Variants in TBCD observed in about 807,000 individuals in gnomAD.
TBCD encodes the protein tubulin folding cofactor D.
In TBCD, 105 loss-of-function variants were observed where a neutral mutation model predicts 169.3. The ratio of observed to expected loss-of-function variants is 0.62; its 90% confidence interval spans 0.53 to 0.73. The LOEUF (loss-of-function observed/expected upper bound fraction) is 0.73, where lower values mean the gene tolerates loss of function less well. Ranked by LOEUF, TBCD falls within the 30% of genes least tolerant of loss-of-function variation. The pLI is 0.00. For missense variants in TBCD, 1,444 were observed against 1,600.1 expected (o/e 0.90, Z 1.66); for synonymous variants, 700 against 643.9 (o/e 1.09, Z -1.32).
rs2050930184 is a variant in TBCD at position 82,805,987 on chromosome 17, C to T, written c.1063C>T (p.Pro355Ser). ...TEDDDEDDDV[P>S]EGVERVIEQL... ...AGATGACGACGAAGATGACGACGTC[C>T]CAGAGGGGGTGGAGCGTGTGATAGG... is the stretch of plus-strand genomic sequence containing the variant. Residue 355 changes from proline (P) to serine (S), a missense_variant, in exon 10 of 39, where the codon CCA becomes TCA. Physicochemically the swap from Pro to Ser is moderately conservative, Grantham distance 74 (BLOSUM62 -1). Transcript: ENST00000355528. 3.1e-6 allele frequency: 5 copies of T among 1,613,636 alleles called. No individual in the cohort carries two copies.
rs1347638638 is a variant in TBCD, at chr17:82,752,306, C to A, written c.113C>A (p.Ala38Glu). ...TTCGGCGAGAGCGCGGAGACCCGGGCGCTGCTGGGCCGCCTGCGGGAGGTG... is the reference window on the plus strand; with the variant it reads ...TTCGGCGAGAGCGCGGAGACCCGGGAGCTGCTGGGCCGCCTGCGGGAGGTG... The part of the protein sequence containing the change: ...EAFGESAETR[A>E]LLGRLREVHG... The change falls in exon 1 of 39, where the codon GCG (alanine) becomes GAG (glutamate). Residue 38 changes from alanine to glutamate, a missense_variant. Physicochemically the swap from Ala to Glu is moderately radical, Grantham distance 107. Coordinates refer to ENST00000355528, the MANE Select transcript of TBCD (RefSeq NM_005993.5). The A allele has an allele frequency of 6.7e-7, 1 of 1,492,890 alleles. No individual in the cohort carries two copies. Among genetic ancestry groups the A allele is most frequent in the South Asian group, 1.3e-5 (1 of 79,466 alleles). 92.5% of individuals were successfully genotyped at this position (1,492,890 alleles called of 1,614,324 possible). A position where few individuals can be genotyped will look rare whatever the true frequency, so the allele number is the denominator to read the frequency against.
At chr17:82,846,195 C>T (rs1244224517) in intron 13 of TBCD, among the ~76,000 whole-genome samples, 5 of 152,138 alleles carry the variant, frequency 3.3e-5, no homozygotes, top group South Asian at 4.1e-4. Context: ...CCTCCCTCCA[C>T]GTGCTGCGTC....
At chr17:82,925,167 C>G (rs948932072) in intron 27 of TBCD, 110 bp downstream of exon 27, 1 of 875,454 alleles carries the variant, frequency 1.1e-6, no homozygotes, top group South Asian at 1.8e-5. Context: ...GTGCTTGTAG[C>G]TGGGAGGGGG....
intron 6 of TBCD, among the ~76,000 whole-genome samples, chr17:82,775,243 G>A (rs1314261863): frequency 6.6e-6 from 1 of 152,244 alleles, no homozygotes. Flanking sequence ...TGGTGCCTGG[G>A]GGCGTCGGTG....
At chr17:82,769,103 C>G (rs2144050930) in intron 5 of TBCD, among the ~76,000 whole-genome samples, 1 of 152,282 alleles carries the variant, frequency 6.6e-6, no homozygotes, top group South Asian at 2.1e-4. Context: ...ACACATTTAT[C>G]CTCTTGTAGT....
chr17:82,777,855 AC>A (rs1568117848), intron 6 of TBCD, among the ~76,000 whole-genome samples: 2 of 150,166 alleles, frequency 1.3e-5, no homozygotes, highest in African/African-American at 4.9e-5. Flanking sequence ...GGAAAGGGAG[AC>A]TCTCTTTCCC....
Position 82,921,524 on chromosome 17 carries a change from G to A in TBCD, c.2125G>A (p.Asp709Asn). The A allele has an allele frequency of 6.2e-7, 1 of 1,614,018 alleles. No homozygotes were observed. Among genetic ancestry groups the A allele is most frequent in the Non-Finnish European group, 8.5e-7 (1 of 1,179,888 alleles). ...VIDGWQWLIN[D>N]TLRHLHLISS... ...AGATGGTTGGCAATGGCTGATAAAT[G>A]ACACTTTGAGACATCTCCATCTCAT... Residue 709 changes from aspartate (D) to asparagine (N), a missense_variant, in exon 25 of 39, where the codon GAC (aspartate) becomes AAC (asparagine). By Grantham distance (23) the Asp-to-Asn change is conservative. Coordinates refer to ENST00000355528, the MANE Select transcript of TBCD (RefSeq NM_005993.5).
intron 7 of TBCD, among the ~76,000 whole-genome samples, chr17:82,787,000 G>A (rs1286780283): frequency 6.6e-6 from 1 of 152,102 alleles, no homozygotes; most frequent in Non-Finnish European, 1.5e-5. Flanking sequence ...GGACAGGTGG[G>A]AATTCCTGTA....
chr17:82,925,877 C>T (rs1365997998), intron 27 of TBCD, among the ~76,000 whole-genome samples: 1 of 152,116 alleles, frequency 6.6e-6, no homozygotes, highest in Non-Finnish European at 1.5e-5. Context: ...GTGGCCAGAC[C>T]CCCAGTGACA....
intron 28 of TBCD, chr17:82,926,919 T>A (rs2147258569): frequency 3.7e-6 from 2 of 544,560 alleles, no homozygotes; most frequent in Non-Finnish European, 6.5e-6. Context: ...ATCCGTTCCC[T>A]CTAGTCAGGG....
rs546215595 is a variant in TBCD, at chr17:82,833,585, G to A, written c.1318+18651G>A. Among the ~76,000 whole-genome samples, 54 of 152,280 alleles carry A rather than the reference G, an allele frequency of 3.5e-4. No individual in the cohort carries two copies. Among genetic ancestry groups the A allele is most frequent in the Admixed American group, 4.6e-4 (7 of 15,302 alleles). ...GCAGCATTGTGAGACATGCTTTCAC[G>A]GTCACCCGGTTCCTGCTGGCCAGGA... On this transcript the variant is annotated intron_variant, in intron 13 of 38. Transcript: ENST00000355528. This position sits in a 1 kb window ranked among gnomAD's most constrained non-coding sequence, Gnocchi z 4.7.
intron 38 of TBCD, chr17:82,942,140 A>G: frequency 1.9e-6 from 1 of 518,916 alleles, no homozygotes; most frequent in Non-Finnish European, 3.4e-6. Context: ...TCAACAGCAG[A>G]CTTTGGAATT....
intron 27 of TBCD, among the ~76,000 whole-genome samples, chr17:82,925,459 C>T (rs1337979232): frequency 6.6e-6 from 1 of 152,140 alleles, no homozygotes; most frequent in African/African-American, 2.4e-5. Context: ...CAGAGGTCAG[C>T]CCCACGCTGG....
At chr17:82,914,823 G>A (rs967459734) in intron 23 of TBCD, among the ~76,000 whole-genome samples, 4 of 152,060 alleles carry the variant, frequency 2.6e-5, no homozygotes, top group Non-Finnish European at 5.9e-5. Context: ...TCTCCTCCTC[G>A]TTCATTTTTA....
chr17:82,909,376 G>T (rs573324317), intron 22 of TBCD, 69 bp downstream of exon 22: 2 of 1,352,896 alleles, frequency 1.5e-6, no homozygotes, highest in African/African-American at 1.5e-5. Flanking sequence ...AGGAGCAGGC[G>T]GGGCGGGTGT....
intron 32 of TBCD, chr17:82,929,842 T>G: frequency 2.2e-6 from 1 of 453,106 alleles, no homozygotes. Flanking sequence ...AGGTTCTAGA[T>G]CGGCCTCCGC....
chr17:82,782,790 T>G lies in TBCD; in HGVS notation c.771+1069T>G, dbSNP rs1318480191. ...CTATCCGCGGCGTTGTCTTCCTGTC[T>G]GTGGCGTCGTCCTGTCTGCGGTGGC... On this transcript the variant is annotated intron_variant, in intron 7 of 38. Coordinates refer to ENST00000355528, the MANE Select transcript of TBCD (RefSeq NM_005993.5). The surrounding 1 kb of genome is among the most constrained non-coding windows in gnomAD (Gnocchi z 5.1). Among the ~76,000 whole-genome samples the G allele has an allele frequency of 2.0e-5, 3 of 150,378 alleles. No individual in the cohort carries two copies. Among genetic ancestry groups the G allele is most frequent in the African/African-American group, 7.4e-5 (3 of 40,652 alleles).
chr17:82,871,672 G>A (rs561056768), intron 14 of TBCD, among the ~76,000 whole-genome samples: 1 of 152,220 alleles, frequency 6.6e-6, no homozygotes, highest in South Asian at 2.1e-4. Context: ...GCGGGGCGCC[G>A]GTGGCAGATG....
chr17:82,879,590 T>A (rs1230095276), intron 14 of TBCD, among the ~76,000 whole-genome samples: 4 of 152,094 alleles, frequency 2.6e-5, no homozygotes, highest in Admixed American at 2.6e-4. Flanking sequence ...TCTGTGCTGG[T>A]CCGGGATGCA....
Sources: gnomAD v4.1 joint callset for allele counts (sites outside exome capture counted in the v4.1 genomes callset) on GRCh38, gnomAD v4.1.1 for gene constraint, Gnocchi (gnomAD v3.1) non-coding constraint, MANE v1.5 for transcripts, NCBI Gene and HGNC (gene_info 2026-07-23, HGNC 2026-07-21) for gene names.